The following NRXN3 variants were observed in gnomAD, a reference collection of about 807,000 sequenced individuals.
NRXN3 encodes neurexin 3, also known as neurexin III.
In NRXN3, 32 loss-of-function variants were observed where a neutral mutation model predicts 137.6. That is an observed-to-expected ratio of 0.23 (90% CI 0.18 to 0.31). The LOEUF (loss-of-function observed/expected upper bound fraction) is 0.31. Among genes scored for constraint, NRXN3 ranks in the 10% least tolerant of loss-of-function variants. The pLI is 1.00. For missense variants in NRXN3, 1,574 were observed against 2,062.5 expected (o/e 0.76, Z 4.59); for synonymous variants, 798 against 784.5 (o/e 1.02, Z -0.29).
chr14:79,529,501 G>T (rs2097150987), intron 16 of NRXN3, among the ~76,000 whole-genome samples: 2 of 152,168 alleles, frequency 1.3e-5, no homozygotes, highest in African/African-American at 4.8e-5. Context: ...ATATGAGAGG[G>T]TCTCTCTCTT....
intron 15 of NRXN3, among the ~76,000 whole-genome samples, chr14:79,348,525 G>A (rs974785366): frequency 4.6e-5 from 7 of 151,914 alleles, no homozygotes; most frequent in South Asian, 2.1e-4. Flanking sequence ...ACAGGCGCCC[G>A]CCACCACTCC....
chr14:78,491,397 T>A (rs1055035611), intron 4 of NRXN3, among the ~76,000 whole-genome samples: 6 of 152,112 alleles, frequency 3.9e-5, no homozygotes, highest in African/African-American at 1.2e-4. Context: ...GGATGCGCTC[T>A]TTGTCTTCTC....
At chr14:79,226,697 A>T (rs1202464210) in intron 15 of NRXN3, among the ~76,000 whole-genome samples, 1 of 151,698 alleles carries the variant, frequency 6.6e-6, no homozygotes, top group Non-Finnish European at 1.5e-5. Flanking sequence ...TCCCATTTTG[A>T]TTTCAGCTCC....
chr14:78,717,114 A>G (rs1270605669), intron 8 of NRXN3, among the ~76,000 whole-genome samples: 1 of 152,202 alleles, frequency 6.6e-6, no homozygotes, highest in African/African-American at 2.4e-5. Flanking sequence ...TATAAAGGTC[A>G]TCTCAGACAT....
intron 10 of NRXN3, among the ~76,000 whole-genome samples, chr14:78,885,754 G>C (rs2099141790): frequency 6.6e-6 from 1 of 152,054 alleles, no homozygotes; most frequent in Admixed American, 6.6e-5. Flanking sequence ...TATTTTAAAA[G>C]TGAATTTATA....
chr14:78,598,882 G>A (rs535181421), intron 4 of NRXN3, among the ~76,000 whole-genome samples: 1 of 152,266 alleles, frequency 6.6e-6, no homozygotes, highest in African/African-American at 2.4e-5. Flanking sequence ...GGTCTAGGTG[G>A]AGATTATTTC....
intron 15 of NRXN3, among the ~76,000 whole-genome samples, chr14:79,443,283 A>G (rs1396745319): frequency 6.6e-6 from 1 of 152,202 alleles, no homozygotes; most frequent in African/African-American, 2.4e-5. Flanking sequence ...AAGAAGAAGG[A>G]TAAAAAGATA....
intron 1 of NRXN3, among the ~76,000 whole-genome samples, chr14:78,207,929 T>C (rs1473479711): frequency 6.6e-6 from 1 of 152,198 alleles, no homozygotes; most frequent in African/African-American, 2.4e-5. Flanking sequence ...ACAGCATTCC[T>C]TGTGTGAAAT....
intron 15 of NRXN3, chr14:79,280,072 A>G: frequency 7.4e-7 from 1 of 1,359,578 alleles, no homozygotes; most frequent in African/African-American, 1.5e-5. Context: ...CAGCTCCGGG[A>G]AAGAGAAGGG....
intron 4 of NRXN3, among the ~76,000 whole-genome samples, chr14:78,302,731 C>T (rs1454063561): frequency 6.6e-6 from 1 of 152,216 alleles, no homozygotes; most frequent in African/African-American, 2.4e-5. Flanking sequence ...TTTGTTAACG[C>T]ATTTCCCACC....
intron 9 of NRXN3, among the ~76,000 whole-genome samples, chr14:78,810,023 G>GAA (rs5809907): frequency 6.8e-6 from 1 of 147,696 alleles, no homozygotes; most frequent in Non-Finnish European, 1.5e-5. Context: ...AGCTTTTTTT[G>GAA]AAAAAAAAAA....
At chr14:79,188,551 C>T (rs12434308) in intron 15 of NRXN3, among the ~76,000 whole-genome samples, 5,430 of 152,226 alleles carry the variant, frequency 0.036, 235 homozygotes, top group East Asian at 0.21. Flanking sequence ...AAAACAAAGC[C>T]AACAAGGCAA....
rs1196991477 is a variant in NRXN3, at chr14:78,342,799, C to G, written c.757+44939C>G. ...CATCTCTGATGTGATGGGAAGCACA[C>G]TTGCTATGTGTTTTTGATAGGATAT... On this transcript the variant is annotated intron_variant, in intron 4 of 20. Transcript: ENST00000335750. Among the ~76,000 whole-genome samples the G allele has an allele frequency of 2.6e-5, 4 of 152,180 alleles. No homozygotes were observed. In the East Asian group the frequency reaches 7.7e-4, roughly 29 times the overall value.
intron 15 of NRXN3, among the ~76,000 whole-genome samples, chr14:79,160,729 A>G (rs976363808): frequency 2.6e-5 from 4 of 151,892 alleles, no homozygotes; most frequent in Non-Finnish European, 5.9e-5. Context: ...TAGGATCTAA[A>G]ATGATACTCA....
At chr14:78,774,582 A>G (rs2098739079) in intron 8 of NRXN3, among the ~76,000 whole-genome samples, 1 of 152,196 alleles carries the variant, frequency 6.6e-6, no homozygotes, top group Admixed American at 6.5e-5. Context: ...TGAGGTGGAT[A>G]CTATTATCTC....
At chr14:79,833,626 G>C (rs1039924212) in intron 20 of NRXN3, among the ~76,000 whole-genome samples, 2 of 26,222 alleles carry the variant, frequency 7.6e-5, no homozygotes, top group Non-Finnish European at 1.8e-4. Flanking sequence ...AAAATGTTGA[G>C]AAATCACCTT....
chr14:79,854,046 A>C (rs1024952914), intron 20 of NRXN3: 1 of 984,534 alleles, frequency 1.0e-6, no homozygotes, highest in Non-Finnish European at 1.2e-6. Context: ...CCTCTGTTGT[A>C]AATTATTATA....
chr14:79,858,970 C>A (rs977736803), intron 20 of NRXN3, among the ~76,000 whole-genome samples: 1 of 107,398 alleles, frequency 9.3e-6, no homozygotes. Flanking sequence ...TATATATGTT[C>A]ACAATGTAAA....
At chr14:78,343,832 C>A (rs1310179716) in intron 4 of NRXN3, among the ~76,000 whole-genome samples, 4 of 152,188 alleles carry the variant, frequency 2.6e-5, no homozygotes, top group Admixed American at 2.0e-4. Context: ...AATCTTTGGG[C>A]ATGGGACCCC....
Sources: allele counts gnomAD v4.1 joint callset (sites outside exome capture counted in the v4.1 genomes callset), GRCh38; gene constraint gnomAD v4.1.1; transcripts MANE v1.5; gene names NCBI Gene and HGNC (gene_info 2026-07-23, HGNC 2026-07-21).